The following KHDRBS2 variants were observed in gnomAD, a reference collection of about 807,000 sequenced individuals.
KHDRBS2 encodes the protein KH domain-containing, RNA-binding, signal transduction-associated protein 2.
In KHDRBS2, 26 loss-of-function variants were observed where a neutral mutation model predicts 44.3. That is an observed-to-expected ratio of 0.59 (90% CI 0.43 to 0.81). The LOEUF is 0.81. Among genes scored for constraint, KHDRBS2 ranks in the 40% least tolerant of loss-of-function variants. KHDRBS2 has a pLI of 0.00. For synonymous variants in KHDRBS2, 194 were observed against 151.1 expected, an observed-to-expected ratio of 1.28 and a Z score of -2.08; for missense variants, 476 against 433.1, an observed-to-expected ratio of 1.10 and a Z score of -0.88.
the KHDRBS2 span, among the ~76,000 whole-genome samples, chr6:61,549,317 C>T: frequency 6.6e-6 from 1 of 152,102 alleles, no homozygotes; most frequent in African/African-American, 2.4e-5. Flanking sequence ...CACATTTGGT[C>T]TCAGGACTCC....
At chr6:61,755,817 A>G (rs1562102085) in intron 6 of KHDRBS2, among the ~76,000 whole-genome samples, 1 of 151,652 alleles carries the variant, frequency 6.6e-6, no homozygotes, top group African/African-American at 2.4e-5. Context: ...AAAAAAAAAA[A>G]TCATTGGATT....
chr6:61,775,726 T>C (rs1199904952), intron 6 of KHDRBS2, among the ~76,000 whole-genome samples: 1 of 152,152 alleles, frequency 6.6e-6, no homozygotes, highest in East Asian at 1.9e-4. Context: ...CCCAAGGTAA[T>C]TTACAGATTC....
the KHDRBS2 span, among the ~76,000 whole-genome samples, chr6:61,601,653 T>C: frequency 6.6e-6 from 1 of 152,096 alleles, no homozygotes; most frequent in African/African-American, 2.4e-5. Context: ...CCCTCCCACC[T>C]GTCCCCTCAG....
In KHDRBS2 at chr6:61,978,184, G is replaced by T; in HGVS notation, c.365C>A (p.Ala122Asp). 1 of 1,607,444 alleles carries T rather than the reference G, an allele frequency of 6.2e-7. No homozygotes were observed. The highest frequency in any genetic ancestry group is 1.1e-5 in the South Asian group (1 of 89,118). Residue 122 changes from alanine (A) to aspartate (D), a missense_variant, in exon 4 of 9, where the codon GCC becomes GAC. Coordinates refer to ENST00000281156, the MANE Select transcript of KHDRBS2 (RefSeq NM_152688.4). ...KEEELRKSGE[A>D]KYAHLSDELH... is the part of the protein sequence containing the mutation. ...CTCATCACTCAAGTGGGCATATTTG[G>T]CTTCCCCACTCTTCCTTAGTTCTTC...
chr6:61,668,813 T>A, the KHDRBS2 span, among the ~76,000 whole-genome samples: 2 of 151,008 alleles, frequency 1.3e-5, no homozygotes, highest in African/African-American at 4.8e-5. Flanking sequence ...TAATAAGGTA[T>A]AAAATATATT....
intron 2 of KHDRBS2, among the ~76,000 whole-genome samples, chr6:62,069,772 T>G (rs1584496128): frequency 6.6e-6 from 1 of 151,840 alleles, no homozygotes; most frequent in Admixed American, 6.6e-5. Context: ...GCCATTAATT[T>G]TATGCACTTA....
intron 2 of KHDRBS2, among the ~76,000 whole-genome samples, chr6:62,108,477 G>A (rs1487635439): frequency 6.6e-6 from 1 of 152,102 alleles, no homozygotes; most frequent in Non-Finnish European, 1.5e-5. Flanking sequence ...GGAGAAATAG[G>A]AACACTTTTA....
intron 2 of KHDRBS2, among the ~76,000 whole-genome samples, chr6:62,070,800 A>G (rs1394668842): frequency 6.6e-6 from 1 of 152,144 alleles, no homozygotes; most frequent in African/African-American, 2.4e-5. Flanking sequence ...CAATAAACAT[A>G]CGTGTGCATG....
the KHDRBS2 span, among the ~76,000 whole-genome samples, chr6:61,584,642 TAAC>T: frequency 6.6e-6 from 1 of 151,746 alleles, no homozygotes; most frequent in Non-Finnish European, 1.5e-5. Flanking sequence ...AAGGATGACT[TAAC>T]AAACTAACAA....
At chr6:61,737,595 C>T (rs1278340370) in intron 6 of KHDRBS2, among the ~76,000 whole-genome samples, 2 of 151,980 alleles carry the variant, frequency 1.3e-5, no homozygotes, top group South Asian at 2.1e-4. Flanking sequence ...TAAATCAGAT[C>T]GTTTTCCTAA....
At chr6:62,096,862 A>G (rs1469290035) in intron 2 of KHDRBS2, among the ~76,000 whole-genome samples, 1 of 151,794 alleles carries the variant, frequency 6.6e-6, no homozygotes, top group Non-Finnish European at 1.5e-5. Flanking sequence ...AGTAGTTTCA[A>G]GAGGGAAGTT....
chr6:62,047,078 T>A (rs1787867421), intron 3 of KHDRBS2, among the ~76,000 whole-genome samples: 1 of 152,012 alleles, frequency 6.6e-6, no homozygotes, highest in African/African-American at 2.4e-5. Context: ...AGGATTCTCA[T>A]ACTCAAAAAT....
At chr6:61,771,384 A>G (rs377097482) in intron 6 of KHDRBS2, among the ~76,000 whole-genome samples, 2 of 152,210 alleles carry the variant, frequency 1.3e-5, no homozygotes, top group East Asian at 3.8e-4. Flanking sequence ...TAAAAGACAC[A>G]GACTGGCAAA....
At chr6:61,840,338 A>G (rs965961367) in intron 6 of KHDRBS2, among the ~76,000 whole-genome samples, 3 of 152,178 alleles carry the variant, frequency 2.0e-5, no homozygotes, top group Non-Finnish European at 4.4e-5. Flanking sequence ...CTCAGTTCAT[A>G]TATTTCAAGA....
chr6:61,804,431 C>T lies in KHDRBS2; in HGVS notation c.811-71667G>A, dbSNP rs111735677. 2.8e-3 allele frequency among the ~76,000 whole-genome samples: 420 copies of T among 152,206 alleles called. 6 individuals are homozygous for T. The highest frequency in any genetic ancestry group is 9.8e-3 in the African/African-American group (406 of 41,544). The stretch of plus-strand genomic sequence containing the variant: ...GGATTTTCTAGGCACATGATGCAAG[C>T]TATTGGTGGATCTACCATTCTGGGG... On this transcript the variant is annotated intron_variant, in intron 6 of 8. Coordinates refer to ENST00000281156, the MANE Select transcript of KHDRBS2 (RefSeq NM_152688.4).
chr6:61,634,736 G>A, the KHDRBS2 span, among the ~76,000 whole-genome samples: 1 of 152,080 alleles, frequency 6.6e-6, no homozygotes, highest in Admixed American at 6.6e-5. Context: ...GATTTAATCA[G>A]TGTATTAATA....
At chr6:61,573,111 T>G in the KHDRBS2 span, among the ~76,000 whole-genome samples, 89,887 of 152,012 alleles carry the variant, frequency 0.59, 26,780 homozygotes, top group Non-Finnish European at 0.61. Context: ...GATAAATAAA[T>G]TCAGTAAAGT....
chr6:62,107,492 C>A (rs1303548171), intron 2 of KHDRBS2, among the ~76,000 whole-genome samples: 1 of 152,162 alleles, frequency 6.6e-6, no homozygotes, highest in African/African-American at 2.4e-5. Context: ...TAGGAAGAAT[C>A]AATATCGTGA....
At chr6:62,055,509 G>A (rs989033545) in intron 2 of KHDRBS2, among the ~76,000 whole-genome samples, 22 of 151,890 alleles carry the variant, frequency 1.4e-4, no homozygotes, top group Non-Finnish European at 1.0e-4. Context: ...AACCATAATG[G>A]CAGTGTCTTG....
Sources: gnomAD v4.1 joint callset for allele counts (sites outside exome capture counted in the v4.1 genomes callset) on GRCh38, gnomAD v4.1.1 for gene constraint, MANE v1.5 for transcripts, NCBI Gene and HGNC (gene_info 2026-07-23, HGNC 2026-07-21) for gene names.